Variants in DOCK1 observed in about 807,000 individuals in gnomAD.
DOCK1 encodes the protein dedicator of cytokinesis 1, also known as dedicator of cytokinesis protein 1.
A neutral mutation model predicts 262.7 loss-of-function variants in DOCK1; 138 were observed. The observed-to-expected ratio is 0.53, with a 90% CI of 0.46 to 0.61. The LOEUF (loss-of-function observed/expected upper bound fraction) is 0.61. DOCK1 is among the 20% of genes least tolerant of loss of function. The probability of loss-of-function intolerance (pLI) is 0.00; values close to 1 mark genes in which losing one functional copy is unlikely to be tolerated. For synonymous variants in DOCK1, 866 were observed against 867.4 expected, an observed-to-expected ratio of 1.00 and a Z score of 0.03; for missense variants, 1,908 against 2,370.7, an observed-to-expected ratio of 0.80 and a Z score of 4.05.
intron 10 of DOCK1, chr10:127,001,368 A>G (rs898612206): frequency 1.6e-4 from 24 of 152,170 alleles, no homozygotes; most frequent in African/African-American, 5.1e-4. Context: ...GACAGTTCCT[A>G]TATATTTCTC....
At chr10:127,087,695 G>A (rs1313304107) in intron 23 of DOCK1, among the ~76,000 whole-genome samples, 1 of 152,284 alleles carries the variant, frequency 6.6e-6, no homozygotes, top group Middle Eastern at 3.4e-3. Flanking sequence ...CTGATGAAAT[G>A]TAAGTAGCAT....
At chr10:127,041,868 C>G (rs1243157486) in intron 19 of DOCK1, among the ~76,000 whole-genome samples, 3 of 152,142 alleles carry the variant, frequency 2.0e-5, no homozygotes, top group Non-Finnish European at 4.4e-5. Context: ...GGCGTTCTGC[C>G]TCTTCTTGAC....
At chr10:127,055,059 C>T (rs1455765080) in intron 22 of DOCK1, among the ~76,000 whole-genome samples, 1 of 151,924 alleles carries the variant, frequency 6.6e-6, no homozygotes, top group Non-Finnish European at 1.5e-5. Context: ...ATTCATGGTC[C>T]ATAATTTTTT....
chr10:127,216,029 G>T (rs972390078), intron 27 of DOCK1, among the ~76,000 whole-genome samples: 2 of 152,136 alleles, frequency 1.3e-5, no homozygotes, highest in African/African-American at 4.8e-5. Context: ...AGCCTTCAGA[G>T]ATGTTGCTCC....
chr10:127,221,302 A>G (rs1472650767), intron 27 of DOCK1, among the ~76,000 whole-genome samples: 1 of 152,230 alleles, frequency 6.6e-6, no homozygotes, highest in Non-Finnish European at 1.5e-5. Context: ...GAAATTGCAG[A>G]AAATGCATTA....
intron 15 of DOCK1, chr10:127,025,253 A>G (rs2042748875): frequency 6.6e-6 from 1 of 152,560 alleles, no homozygotes; most frequent in African/African-American, 2.4e-5. Flanking sequence ...AAACCAGGCC[A>G]GGGGTTGGCT....
In DOCK1 at chr10:127,331,712, A is replaced by C. The variant is rs184799130; in HGVS notation, c.3045-7294A>C. Reference sequence around the variant, plus strand: ...AAAATAATTGAACATAAGGACTTGAAGAGAGATCTGTACACTGATGTTCAT... The same window carrying C: ...AAAATAATTGAACATAAGGACTTGACGAGAGATCTGTACACTGATGTTCAT... On this transcript the variant is annotated intron_variant, in intron 29 of 51. Coordinates refer to ENST00000623213, the MANE Select transcript of DOCK1 (RefSeq NM_001290223.2). Among the ~76,000 whole-genome samples, 7 of 152,342 alleles carry C rather than the reference A, an allele frequency of 4.6e-5. No homozygotes were observed. In the East Asian group the frequency reaches 1.4e-3, roughly 29 times the overall value.
chr10:127,173,213 T>C (rs1164142752), intron 27 of DOCK1, among the ~76,000 whole-genome samples: 1 of 151,402 alleles, frequency 6.6e-6, no homozygotes. Context: ...GCTGAACACA[T>C]TAGAAGGTCA....
chr10:127,206,435 C>T (rs951650670), intron 27 of DOCK1, among the ~76,000 whole-genome samples: 35 of 152,292 alleles, frequency 2.3e-4, no homozygotes, highest in African/African-American at 6.7e-4. Context: ...TGAGCCACCG[C>T]GCCCGGCCTA....
intron 13 of DOCK1, among the ~76,000 whole-genome samples, chr10:127,019,357 C>T (rs772910158): frequency 1.3e-5 from 2 of 152,164 alleles, no homozygotes; most frequent in Admixed American, 6.5e-5. Flanking sequence ...TTCCAAATAA[C>T]GTTCCTAATA....
At chr10:127,311,345 A>G (rs2062056031) in intron 29 of DOCK1, among the ~76,000 whole-genome samples, 1 of 152,188 alleles carries the variant, frequency 6.6e-6, no homozygotes, top group South Asian at 2.1e-4. Flanking sequence ...AGAAATTCTT[A>G]CTCATCCTGC....
intron 23 of DOCK1, among the ~76,000 whole-genome samples, chr10:127,101,646 G>A (rs1026896126): frequency 9.2e-5 from 14 of 152,288 alleles, no homozygotes; most frequent in Non-Finnish European, 1.8e-4. Flanking sequence ...GGGAGCCCTC[G>A]CCCCGCTTGG....
At chr10:127,223,842 G>A (rs1198047197) in intron 27 of DOCK1, among the ~76,000 whole-genome samples, 1 of 152,102 alleles carries the variant, frequency 6.6e-6, no homozygotes, top group Non-Finnish European at 1.5e-5. Flanking sequence ...GTCTATAGAG[G>A]GGACCCAGGA....
intron 31 of DOCK1, among the ~76,000 whole-genome samples, chr10:127,348,481 G>A (rs74158669): frequency 0.034 from 5,132 of 152,222 alleles, 294 homozygotes; most frequent in African/African-American, 0.12. Context: ...GAGGAACAGG[G>A]TTCATGAATT....
intron 27 of DOCK1, among the ~76,000 whole-genome samples, chr10:127,152,486 G>A (rs150582953): frequency 4.5e-4 from 69 of 152,270 alleles, no homozygotes; most frequent in African/African-American, 1.3e-3. Flanking sequence ...CTCCCTTCCT[G>A]CTGCCAGGAG....
At chr10:127,367,701 A>C (rs2133987865) in intron 33 of DOCK1, among the ~76,000 whole-genome samples, 1 of 152,222 alleles carries the variant, frequency 6.6e-6, no homozygotes, top group South Asian at 2.1e-4. Context: ...CATATGCTTC[A>C]CTGTGGGCTG....
intron 35 of DOCK1, among the ~76,000 whole-genome samples, chr10:127,374,793 G>C (rs755441211): frequency 2.0e-4 from 31 of 152,178 alleles, no homozygotes; most frequent in Non-Finnish European, 3.5e-4. Context: ...GCAGAGATTG[G>C]AGGGACCCAG....
intron 48 of DOCK1, among the ~76,000 whole-genome samples, chr10:127,434,658 T>C (rs2069543992): frequency 6.8e-6 from 1 of 147,738 alleles, no homozygotes; most frequent in Non-Finnish European, 1.5e-5. Flanking sequence ...TCTACTTTCT[T>C]TTTTTTTTTT....
intron 31 of DOCK1, among the ~76,000 whole-genome samples, chr10:127,345,200 G>A (rs1404201216): frequency 6.6e-6 from 1 of 152,194 alleles, no homozygotes; most frequent in Non-Finnish European, 1.5e-5. Context: ...ATTAAGCAAA[G>A]CATGAGTATA....
Sources: allele counts gnomAD v4.1 joint callset (sites outside exome capture counted in the v4.1 genomes callset), GRCh38; gene constraint gnomAD v4.1.1; transcripts MANE v1.5; gene names NCBI Gene and HGNC (gene_info 2026-07-23, HGNC 2026-07-21).